The following DYNLRB2 variants were observed in gnomAD, a reference collection of about 807,000 sequenced individuals.
DYNLRB2 encodes bithoraxoid-like protein.
A neutral mutation model predicts 12.6 loss-of-function variants in DYNLRB2; 14 were observed. The ratio of observed to expected loss-of-function variants is 1.11; its 90% confidence interval spans 0.73 to 1.73. The LOEUF is 1.73. DYNLRB2 is among the 40% of genes most tolerant of loss of function. The pLI, the probability that DYNLRB2 is intolerant of heterozygous loss-of-function variation, is 0.00. For synonymous variants in DYNLRB2, 53 were observed against 37.0 expected (o/e 1.43, Z -1.57); for missense variants, 142 against 117.7 (o/e 1.21, Z -0.95).
At chr16:80,543,234 C>T in intron 1 of DYNLRB2, 42 bp from the exon 2 acceptor site, 1 of 1,600,712 alleles carries the variant, frequency 6.2e-7, no homozygotes, top group Admixed American at 1.7e-5. Flanking sequence ...TTGAAGTTAC[C>T]ACAGGGCCCT....
In DYNLRB2 at chr16:80,543,769, T is replaced by C. The variant is rs182011977; in HGVS notation, c.79+418T>C. 2.6e-5 allele frequency among the ~76,000 whole-genome samples: 4 copies of C among 152,374 alleles called. No homozygotes were observed. In the East Asian group the frequency reaches 7.7e-4, roughly 29 times the overall value. ...TTTATTTTAAATGGAACTTGTTCCT[T>C]GAACATATTTTATTTAAAAATCTTT... On this transcript the variant is annotated intron_variant, in intron 2 of 3. Transcript: ENST00000305904.
At chr16:80,550,484 G>A (rs1179971382) in intron 3 of DYNLRB2, 31 bp from the exon 4 acceptor site, 2 of 1,612,382 alleles carry the variant, frequency 1.2e-6, no homozygotes, top group African/African-American at 1.3e-5. Flanking sequence ...TTTAAATTAA[G>A]GGTGAATTGA....
chr16:80,540,980 C>T, upstream of DYNLRB2: 1 of 1,578,074 alleles, frequency 6.3e-7, no homozygotes, highest in Non-Finnish European at 8.6e-7. Flanking sequence ...TCCGTGGGGC[C>T]ACTTCCTTTT....
intron 2 of DYNLRB2, among the ~76,000 whole-genome samples, chr16:80,546,296 C>G (rs1904463593): frequency 6.6e-6 from 1 of 152,176 alleles, no homozygotes; most frequent in Admixed American, 6.5e-5. Context: ...TGGGAAGTCC[C>G]ATGAAATTTA....
intron 2 of DYNLRB2, among the ~76,000 whole-genome samples, chr16:80,547,447 G>C (rs1482103127): frequency 6.6e-6 from 1 of 152,034 alleles, no homozygotes; most frequent in Non-Finnish European, 1.5e-5. Flanking sequence ...TTTGTTGATT[G>C]ATTTTTTCCA....
At chr16:80,548,893 A>G (rs1424566032) in intron 2 of DYNLRB2, 4 of 455,464 alleles carry the variant, frequency 8.8e-6, no homozygotes, top group South Asian at 4.7e-5. Context: ...GTCCCTTTTG[A>G]TGTACCCTCT....
chr16:80,548,971 C>A, intron 2 of DYNLRB2: 1 of 455,926 alleles, frequency 2.2e-6, no homozygotes, highest in Non-Finnish European at 4.4e-6. Context: ...TGTCACAGAG[C>A]AAGAACTTCA....
At chr16:80,549,093 A>C (rs1904671399) in intron 2 of DYNLRB2, 1 of 447,448 alleles carries the variant, frequency 2.2e-6, no homozygotes, top group South Asian at 1.6e-5. Flanking sequence ...ATGCACAAAA[A>C]TGTTCATCAT....
At chr16:80,548,369 A>G (rs1307020161) in intron 2 of DYNLRB2, among the ~76,000 whole-genome samples, 1 of 152,180 alleles carries the variant, frequency 6.6e-6, no homozygotes, top group Admixed American at 6.5e-5. Flanking sequence ...ATTGAATTAC[A>G]CTTGCATATT....
intron 2 of DYNLRB2, among the ~76,000 whole-genome samples, chr16:80,546,434 A>G (rs73580250): frequency 0.05 from 7,596 of 152,298 alleles, 597 homozygotes; most frequent in African/African-American, 0.17. Flanking sequence ...TCAGACTTCT[A>G]CCATGCTTAT....
At chr16:80,544,694 C>G (rs1172171246) in intron 2 of DYNLRB2, 1 of 152,200 alleles carries the variant, frequency 6.6e-6, no homozygotes, top group Non-Finnish European at 1.5e-5. Context: ...AACGTATTCT[C>G]TTCCAGTTCT....
chr16:80,543,835 A>T (rs1448982023), intron 2 of DYNLRB2, among the ~76,000 whole-genome samples: 1 of 152,234 alleles, frequency 6.6e-6, no homozygotes, highest in Non-Finnish European at 1.5e-5. Context: ...CTTTGTGGAT[A>T]TAGCATAAGA....
At chr16:80,542,675 C>A (rs948037727) in intron 1 of DYNLRB2, among the ~76,000 whole-genome samples, 44 of 152,172 alleles carry the variant, frequency 2.9e-4, no homozygotes, top group Admixed American at 5.2e-4. Flanking sequence ...CCAGAATAAT[C>A]ACTCATAGTT....
intron 2 of DYNLRB2, chr16:80,548,234 C>T (rs1344375854): frequency 6.0e-6 from 1 of 165,818 alleles, no homozygotes; most frequent in East Asian, 1.8e-4. Context: ...TCTAGTAGTT[C>T]TTAAAATAAT....
At chr16:80,542,803 C>T (rs75718465) in intron 1 of DYNLRB2, among the ~76,000 whole-genome samples, 3,150 of 152,266 alleles carry the variant, frequency 0.021, 44 homozygotes, top group Admixed American at 0.03. Flanking sequence ...GATTAGGTCA[C>T]ATTAATGAAA....
intron 2 of DYNLRB2, among the ~76,000 whole-genome samples, chr16:80,543,633 C>G (rs1460788712): frequency 6.6e-6 from 1 of 152,218 alleles, no homozygotes; most frequent in East Asian, 1.9e-4. Flanking sequence ...TGGTAATTCT[C>G]TTCCAACATT....
intron 2 of DYNLRB2, among the ~76,000 whole-genome samples, chr16:80,546,180 G>A (rs1043626872): frequency 6.6e-6 from 1 of 152,154 alleles, no homozygotes; most frequent in African/African-American, 2.4e-5. Context: ...GGCATATGGT[G>A]TAAGCTACGT....
chr16:80,549,134 C>A, intron 2 of DYNLRB2: 1 of 395,580 alleles, frequency 2.5e-6, no homozygotes. Flanking sequence ...ATATAAGGTA[C>A]CAAATGACCA....
At chr16:80,541,204 G>A (rs965445362) in intron 1 of DYNLRB2, 125 bp downstream of exon 1, 11 of 1,450,610 alleles carry the variant, frequency 7.6e-6, no homozygotes, top group African/African-American at 1.4e-5. Context: ...GAGGCTGGTG[G>A]CTCCAGGATC....
Sources: gnomAD v4.1 joint callset for allele counts (sites outside exome capture counted in the v4.1 genomes callset) on GRCh38, gnomAD v4.1.1 for gene constraint, MANE v1.5 for transcripts, NCBI Gene and HGNC (gene_info 2026-07-23, HGNC 2026-07-21) for gene names.